SPTBN5: variants seen among roughly 807,000 people sequenced by gnomAD.
SPTBN5 encodes spectrin beta, non-erythrocytic 5.
Under a neutral mutation model 477.6 loss-of-function variants are expected in SPTBN5, and 513 were observed. The observed-to-expected ratio is 1.07, with a 90% confidence interval of 1.00 to 1.16. The LOEUF is 1.16. Ranked by LOEUF, SPTBN5 falls within the 50% of genes most tolerant of loss-of-function variation. SPTBN5 has a pLI of 0.00. For synonymous variants in SPTBN5, 2,169 were observed against 2,011.7 expected (o/e 1.08, Z -2.09); for missense variants, 5,062 against 4,731.8 (o/e 1.07, Z -2.05).
rs2278966 is a variant in SPTBN5, at chr15:41,863,614, G to T, written c.7149+90C>A. 3.6e-5 allele frequency: 36 copies of T among 1,010,640 alleles called. 1 individual carries two copies. The Middle Eastern group carries it at 4.2e-3, about 118-fold the overall frequency. The allele number at this position is 1,010,640 out of a possible 1,614,324, so 62.6% of individuals were successfully genotyped here. A position where few individuals can be genotyped will look rare whatever the true frequency, so the allele number is the denominator to read the frequency against. On this transcript the variant is annotated intron_variant, in intron 41 of 67. Coordinates refer to ENST00000320955, the MANE Select transcript of SPTBN5 (RefSeq NM_016642.4). ...CAGCTGAACAGGAGAGGCCAGTGAG[G>T]GGGGAGACGCATGGGAGACTCTAGG...
chr15:41,866,137 C>T lies in SPTBN5; in HGVS notation c.6723G>A (p.Arg2241=). The change falls in exon 38 of 68, where the codon AGG becomes AGA. Residue 2241 remains arginine (R), a synonymous_variant. Coordinates refer to ENST00000320955, the MANE Select transcript of SPTBN5 (RefSeq NM_016642.4). The part of the protein sequence containing the change: ...QGLRKHWEDL[R]QAMALRGQEL... Reference sequence around the variant, plus strand: ...CCTGGCCCCTGAGGGCCATTGCCTGCCTCAGGTCCTCCCAGTGCTTCCGCA... The same window carrying T: ...CCTGGCCCCTGAGGGCCATTGCCTGTCTCAGGTCCTCCCAGTGCTTCCGCA... 1 of 1,560,266 alleles carries T rather than the reference C, an allele frequency of 6.4e-7. No individual in the cohort carries two copies. The highest frequency in any genetic ancestry group is 1.2e-5 in the South Asian group (1 of 84,876).
At chr15:41,878,023 G>A (rs1032596075) in intron 17 of SPTBN5, among the ~76,000 whole-genome samples, 1 of 151,622 alleles carries the variant, frequency 6.6e-6, no homozygotes, top group East Asian at 1.9e-4. Flanking sequence ...CAGGACGGCA[G>A]GGGGGGCTAG....
At chr15:41,886,994 T>C (rs566000279) in intron 6 of SPTBN5, among the ~76,000 whole-genome samples, 8 of 152,374 alleles carry the variant, frequency 5.3e-5, no homozygotes, top group Non-Finnish European at 7.3e-5. Context: ...TTCCCTTGTA[T>C]ACCAGGCACC....
In SPTBN5 at chr15:41,863,826, A is replaced by G. The variant is rs376502304; in HGVS notation, c.7035-8T>C. On this transcript the variant is annotated splice_region_variant and splice_polypyrimidine_tract_variant and intron_variant, in intron 40 of 67. Transcript: ENST00000320955. ...CCATGGAAACTCGCCCACCTGGCCAAGGGGTGGTGGTGTCATGTGGAGCCT... is the reference window on the plus strand; with the variant it reads ...CCATGGAAACTCGCCCACCTGGCCAGGGGGTGGTGGTGTCATGTGGAGCCT... 4.3e-5 allele frequency: 69 copies of G among 1,613,650 alleles called. No homozygotes were observed. Among genetic ancestry groups the G allele is most frequent in the Non-Finnish European group, 4.9e-5 (58 of 1,179,810 alleles).
chr15:41,870,051 G>T, intron 31 of SPTBN5, 31 bp from the exon 32 acceptor site: 1 of 1,460,768 alleles, frequency 6.8e-7, no homozygotes. Context: ...AGGGAGGCAA[G>T]GGTCATGTCC....
At chr15:41,881,596 G>A (rs745939690) in intron 12 of SPTBN5, among the ~76,000 whole-genome samples, 2 of 152,194 alleles carry the variant, frequency 1.3e-5, no homozygotes, top group South Asian at 2.1e-4. Context: ...CCAACAAGGC[G>A]GGCTAAGTCA....
rs1463438844 is a variant in SPTBN5 at position 41,849,948 on chromosome 15, T to C, written c.10933A>G (p.Ser3645Gly). ...ALGSTAAQSL[S>G]PKLKAKPVSS... ...ACAGGTTTGGCTTTGAGTTTTGGGC[T>C]CAGACTCTGGGCTGCAGAGCAAGGG... The change falls in exon 67 of 68, where the codon AGC (serine) becomes GGC (glycine). Residue 3645 changes from serine (S) to glycine (G), a missense_variant. Physicochemically the swap from Ser to Gly is moderately conservative, Grantham distance 56 (BLOSUM62 0). Coordinates refer to ENST00000320955, the MANE Select transcript of SPTBN5 (RefSeq NM_016642.4). 6.3e-7 allele frequency: 1 copy of C among 1,592,768 alleles called. No individual in the cohort carries two copies. The highest frequency in any genetic ancestry group is 8.6e-7 in the Non-Finnish European group (1 of 1,169,224).
At position 41,853,341 on chromosome 15, in the gene SPTBN5, T is replaced by C. The variant is rs370011799; in HGVS notation, c.10087A>G (p.Ile3363Val). 6.2e-6 allele frequency: 10 copies of C among 1,612,790 alleles called. No individual in the cohort carries two copies. The highest frequency in any genetic ancestry group is 1.1e-5 in the South Asian group (1 of 91,068). Residue 3363 changes from isoleucine to valine, a missense_variant, in exon 59 of 68, where the codon ATC (isoleucine) becomes GTC (valine). Coordinates refer to ENST00000320955, the MANE Select transcript of SPTBN5 (RefSeq NM_016642.4). ...TGGGCTTGAAGGCGGCACTCCCTGATTTCTTGCCCCAGCTCTTCATGCTGC... is the reference window on the plus strand; with the variant it reads ...TGGGCTTGAAGGCGGCACTCCCTGACTTCTTGCCCCAGCTCTTCATGCTGC... ...LGQHEELGQEIRECRLQAQDL... is the reference protein window; with the variant it reads ...LGQHEELGQEVRECRLQAQDL...
intron 41 of SPTBN5, 62 bp downstream of exon 41, chr15:41,863,642 G>C: frequency 7.4e-7 from 1 of 1,346,414 alleles, no homozygotes; most frequent in South Asian, 1.2e-5. Flanking sequence ...ACTCTAGGCA[G>C]TGCCCCCTCC....
In SPTBN5 at chr15:41,867,593, T is replaced by G; in HGVS notation, c.6257A>C (p.Gln2086Pro). 6.2e-7 allele frequency: 1 copy of G among 1,613,814 alleles called. No homozygotes were observed. Among genetic ancestry groups the G allele is most frequent in the Non-Finnish European group, 8.5e-7 (1 of 1,179,886 alleles). Residue 2086 changes from glutamine (Q) to proline (P), a missense_variant, in exon 35 of 68, where the codon CAG (glutamine) becomes CCG (proline). By Grantham distance (76) the Gln-to-Pro change is moderately conservative (BLOSUM62 -1). Coordinates refer to ENST00000320955, the MANE Select transcript of SPTBN5 (RefSeq NM_016642.4). The part of the protein sequence containing the change: ...ALGSSVEEVE[Q>P]LIRKHEVFLK... ...GAAGACCTCGTGCTTGCGAATCAAC[T>G]GCTCTACCTCTTCCACCGAGCTCCC...
chr15:41,852,704 TGCA>T lies in SPTBN5; in HGVS notation c.10376_10378del (p.Leu3459del). ...CAGCTTTTCTAAGTCCTGGTGTCTGTGCAGCAGCAACTCCACATCTGACACTGA... is the reference window on the plus strand; with the variant it reads ...CAGCTTTTCTAAGTCCTGGTGTCTGTGCAGCAACTCCACATCTGACACTGA... On this transcript the variant is annotated inframe_deletion, in exon 61 of 68. Transcript: ENST00000320955. 6.2e-7 allele frequency: 1 copy of T among 1,612,734 alleles called. No homozygotes were observed. Among genetic ancestry groups the T allele is most frequent in the South Asian group, 1.1e-5 (1 of 91,058 alleles).
At chr15:41,871,749 G>T in intron 28 of SPTBN5, 33 bp downstream of exon 28, 1 of 1,511,792 alleles carries the variant, frequency 6.6e-7, no homozygotes, top group Non-Finnish European at 8.9e-7. Context: ...CTCTGCCTCA[G>T]GGCACCCTCC....
intron 61 of SPTBN5, 88 bp from the exon 62 acceptor site, chr15:41,852,404 C>T: frequency 6.8e-7 from 1 of 1,474,464 alleles, no homozygotes; most frequent in South Asian, 1.4e-5. Flanking sequence ...CTCCCCCAGC[C>T]CTCCCGGTCA....
Position 41,854,887 on chromosome 15 carries a change from G to C in SPTBN5, c.9513C>G (p.Thr3171=). Residue 3171 remains threonine (T), a synonymous_variant, in exon 56 of 68, where the codon ACC becomes ACG. Coordinates refer to ENST00000320955, the MANE Select transcript of SPTBN5 (RefSeq NM_016642.4). ...AGCGCCTGGGTGCACCCCGCTCCAG[G>C]GTGCCTGCCAACTTCCTCAGGGCAT... ...KVYALRKLAG[T]LERGAPRRYP... The C allele has an allele frequency of 6.2e-7, 1 of 1,609,270 alleles. No individual in the cohort carries two copies. The highest frequency in any genetic ancestry group is 8.5e-7 in the Non-Finnish European group (1 of 1,177,694).
chr15:41,867,821 C>T (rs1386143471), intron 34 of SPTBN5, among the ~76,000 whole-genome samples, 179 bp from the exon 35 acceptor site: 12 of 152,222 alleles, frequency 7.9e-5, no homozygotes, highest in Non-Finnish European at 2.9e-5. Context: ...TCAACCTCTG[C>T]ACCATGTGGG....
intron 67 of SPTBN5, among the ~76,000 whole-genome samples, chr15:41,849,543 A>T (rs1278495569): frequency 1.3e-5 from 2 of 152,194 alleles, no homozygotes; most frequent in African/African-American, 4.8e-5. Context: ...AGCACTGGGC[A>T]GAGGGAAACC....
intron 5 of SPTBN5, among the ~76,000 whole-genome samples, 175 bp downstream of exon 5, chr15:41,887,753 T>C (rs1232922141): frequency 6.6e-6 from 1 of 152,068 alleles, no homozygotes; most frequent in Non-Finnish European, 1.5e-5. Flanking sequence ...ACTTGGCCAA[T>C]CTCATGGCAT....
At position 41,848,172 on chromosome 15, in the gene SPTBN5, C is replaced by T; in HGVS notation, c.*444G>A. The T allele has an allele frequency of 1.9e-6, 1 of 528,760 alleles. No individual in the cohort carries two copies. The highest frequency in any genetic ancestry group is 2.2e-5 in the South Asian group (1 of 46,490). 32.8% of individuals were successfully genotyped at this position (528,760 alleles called of 1,614,324 possible). ...GAGGCGCTGAGACCATCTGTTATTA[C>T]TGCTGAGAAGGGCCATGTCATTCTA... On this transcript the variant is annotated 3_prime_UTR_variant, in exon 68 of 68. Transcript: ENST00000320955.
At chr15:41,871,649 A>G in intron 28 of SPTBN5, 129 bp from the exon 29 acceptor site, 1 of 1,404,892 alleles carries the variant, frequency 7.1e-7, no homozygotes, top group Non-Finnish European at 9.4e-7. Flanking sequence ...TGCCCGCTCC[A>G]CTGAGGAGGC....
Sources: allele counts gnomAD v4.1 joint callset (sites outside exome capture counted in the v4.1 genomes callset), GRCh38; gene constraint gnomAD v4.1.1; transcripts MANE v1.5; gene names NCBI Gene and HGNC (gene_info 2026-07-23, HGNC 2026-07-21).